LPP: variants seen among roughly 807,000 people sequenced by gnomAD.
LPP encodes the protein LIM domain containing preferred translocation partner in lipoma, also known as lipoma-preferred partner.
In LPP, 38 loss-of-function variants were observed where a neutral mutation model predicts 60.4. That is an observed-to-expected ratio of 0.63 (90% CI 0.49 to 0.83). The LOEUF (loss-of-function observed/expected upper bound fraction) is 0.83, where lower values mean the gene tolerates loss of function less well. Ranked by LOEUF, LPP falls within the 40% of genes least tolerant of loss-of-function variation. The pLI, the probability that LPP is intolerant of heterozygous loss-of-function variation, is 0.00. For synonymous variants in LPP, 328 were observed against 290.8 expected (o/e 1.13, Z -1.30); for missense variants, 902 against 783.6 (o/e 1.15, Z -1.80).
chr3:188,428,330 G>T (rs1277619146), intron 4 of LPP, among the ~76,000 whole-genome samples: 2 of 152,074 alleles, frequency 1.3e-5, no homozygotes, highest in African/African-American at 2.4e-5. Flanking sequence ...GATCTCTCTG[G>T]GAGCTGCAGA....
intron 7 of LPP, among the ~76,000 whole-genome samples, chr3:188,644,933 C>T (rs2148869024): frequency 6.6e-6 from 1 of 152,284 alleles, no homozygotes; most frequent in African/African-American, 2.4e-5. Flanking sequence ...CAAATTTTGT[C>T]TCTGTTTTCT....
chr3:188,389,156 G>A (rs115684438), intron 3 of LPP, among the ~76,000 whole-genome samples: 1,536 of 151,958 alleles, frequency 0.01, 30 homozygotes, highest in African/African-American at 0.035. Context: ...TGTGTGTTTG[G>A]TATATTTGTG....
At chr3:188,774,997 A>G (rs1053784122) in intron 9 of LPP, among the ~76,000 whole-genome samples, 4 of 151,552 alleles carry the variant, frequency 2.6e-5, no homozygotes, top group Admixed American at 1.3e-4. Flanking sequence ...GCACTGATTG[A>G]TGGATTGCAG....
intron 3 of LPP, among the ~76,000 whole-genome samples, chr3:188,398,857 C>A (rs1424076512): frequency 6.6e-6 from 1 of 152,124 alleles, no homozygotes; most frequent in Admixed American, 6.5e-5. Flanking sequence ...GAGATCAACC[C>A]AAGAATCCTT....
At chr3:188,188,606 G>A (rs1365381210) in intron 1 of LPP, among the ~76,000 whole-genome samples, 1 of 151,804 alleles carries the variant, frequency 6.6e-6, no homozygotes, top group East Asian at 1.9e-4. Context: ...ACTCAAAGAG[G>A]AATTCCCATT....
chr3:188,745,117 A>T (rs938072516), intron 8 of LPP, among the ~76,000 whole-genome samples: 3 of 152,092 alleles, frequency 2.0e-5, no homozygotes, highest in Admixed American at 1.3e-4. Flanking sequence ...AGAAAGAATT[A>T]ATAGCTTTCT....
intron 5 of LPP, among the ~76,000 whole-genome samples, chr3:188,518,726 T>C (rs974082481): frequency 1.3e-5 from 2 of 152,220 alleles, no homozygotes; most frequent in African/African-American, 4.8e-5. Flanking sequence ...TGGTCATGTA[T>C]GTTTTGAGTA....
intron 1 of LPP, among the ~76,000 whole-genome samples, chr3:188,177,055 CT>C: frequency 6.6e-6 from 1 of 152,328 alleles, no homozygotes; most frequent in East Asian, 1.9e-4. Flanking sequence ...AAGTATAAAT[CT>C]GCTTAGGAGA....
At chr3:188,224,514 C>T (rs1716993055) in intron 1 of LPP, among the ~76,000 whole-genome samples, 1 of 152,126 alleles carries the variant, frequency 6.6e-6, no homozygotes, top group African/African-American at 2.4e-5. Flanking sequence ...CTGTATTAGG[C>T]TATTCTAGCA....
intron 4 of LPP, among the ~76,000 whole-genome samples, chr3:188,429,199 T>C (rs1323521947): frequency 6.6e-6 from 1 of 152,216 alleles, no homozygotes; most frequent in African/African-American, 2.4e-5. Flanking sequence ...GTAATAATTA[T>C]GAGTTTTATT....
rs138685539 is a variant in LPP at position 188,470,319 on chromosome 3, C to CACACACACACACACACAT, written c.194-14273_194-14272insACACACACACACACACAT. Among the ~76,000 whole-genome samples the CACACACACACACACACAT allele has an allele frequency of 3.3e-4, 49 of 148,874 alleles. 2 individuals are homozygous for CACACACACACACACACAT. In the East Asian group the frequency reaches 6.2e-3, roughly 19 times the overall value. ...ACACACACACACACACACACACACA[C>CACACACACACACACACAT]GCACACATAAACCACATACACACAC... On this transcript the variant is annotated intron_variant, in intron 4 of 11. Coordinates refer to ENST00000617246, the MANE Select transcript of LPP (RefSeq NM_001375462.1).
At chr3:188,455,889 A>C (rs949240524) in intron 4 of LPP, among the ~76,000 whole-genome samples, 1 of 152,172 alleles carries the variant, frequency 6.6e-6, no homozygotes, top group African/African-American at 2.4e-5. Flanking sequence ...ATTTAAAAAA[A>C]AATTTTTTTA....
intron 5 of LPP, among the ~76,000 whole-genome samples, chr3:188,509,246 A>T (rs1814486410): frequency 6.6e-6 from 1 of 152,184 alleles, no homozygotes; most frequent in Non-Finnish European, 1.5e-5. Flanking sequence ...CAGAAGACTT[A>T]CCGTATGCTT....
intron 3 of LPP, among the ~76,000 whole-genome samples, chr3:188,386,113 T>C (rs1034472143): frequency 1.9e-4 from 29 of 152,270 alleles, no homozygotes; most frequent in African/African-American, 6.7e-4. Flanking sequence ...GATTGATGTG[T>C]ATTTCAACAT....
intron 7 of LPP, among the ~76,000 whole-genome samples, chr3:188,683,146 A>G (rs149799523): frequency 2.6e-5 from 4 of 152,208 alleles, no homozygotes. Context: ...CTCTGTGGCA[A>G]TGGCTGTGAG....
chr3:188,490,123 A>AAATT (rs1807882568), intron 5 of LPP, among the ~76,000 whole-genome samples: 2 of 152,140 alleles, frequency 1.3e-5, no homozygotes, highest in African/African-American at 4.8e-5. Context: ...TTCCCCTTTT[A>AAATT]AAAAGTGATG....
chr3:188,804,650 A>G (rs1407170395), intron 9 of LPP, among the ~76,000 whole-genome samples: 4 of 152,074 alleles, frequency 2.6e-5, no homozygotes, highest in African/African-American at 9.7e-5. Context: ...TTCTGTGAGT[A>G]GAAACAGTTT....
intron 5 of LPP, among the ~76,000 whole-genome samples, chr3:188,503,575 C>A (rs1812557149): frequency 6.7e-6 from 1 of 150,218 alleles, no homozygotes; most frequent in East Asian, 1.9e-4. Context: ...TCTTCTCAAC[C>A]TGCAGGCTTC....
intron 3 of LPP, among the ~76,000 whole-genome samples, chr3:188,362,592 T>A (rs1578337609): frequency 6.6e-6 from 1 of 152,232 alleles, no homozygotes; most frequent in Admixed American, 6.5e-5. Flanking sequence ...TTTATTTCCC[T>A]GTAGTGATTA....
Sources: gnomAD v4.1 joint callset for allele counts (sites outside exome capture counted in the v4.1 genomes callset) on GRCh38, gnomAD v4.1.1 for gene constraint, MANE v1.5 for transcripts, NCBI Gene and HGNC (gene_info 2026-07-23, HGNC 2026-07-21) for gene names.